Variants in HOXA3 observed in about 807,000 individuals in gnomAD.
The protein encoded by HOXA3 is homeobox A3.
Under a neutral mutation model 30.3 loss-of-function variants are expected in HOXA3, and 8 were observed. The ratio of observed to expected loss-of-function variants is 0.26; its 90% CI spans 0.15 to 0.48. The LOEUF (loss-of-function observed/expected upper bound fraction) is 0.48. HOXA3 is among the 20% of genes least tolerant of loss of function. The pLI, the probability that HOXA3 is intolerant of heterozygous loss-of-function variation, is 0.99. For missense variants in HOXA3, 653 were observed against 614.4 expected (o/e 1.06, Z -0.66); for synonymous variants, 323 against 273.1 (o/e 1.18, Z -1.80).
chr7:27,152,574 A>G lies in HOXA3; in HGVS notation c.-780T>C. ...CGAAGCAGGCAGGACGGAGCGGAGC[A>G]AAAGAATGCGGCTCTATTCTCGCAA... On this transcript the variant is annotated 5_prime_UTR_variant, in exon 1 of 6. Transcript: ENST00000612286. The G allele has an allele frequency of 8.4e-7, 1 of 1,192,116 alleles. No individual in the cohort carries two copies. The highest frequency in any genetic ancestry group is 1.1e-6 in the Non-Finnish European group (1 of 944,196). The allele number at this position is 1,192,116 out of a possible 1,614,324, so 73.8% of individuals were successfully genotyped here. A position where few individuals can be genotyped will look rare whatever the true frequency, so the allele number is the denominator to read the frequency against.
At chr7:27,120,060 T>G (rs1784928248) in intron 4 of HOXA3, among the ~76,000 whole-genome samples, 1 of 152,096 alleles carries the variant, frequency 6.6e-6, no homozygotes, top group Non-Finnish European at 1.5e-5. Flanking sequence ...CCTCTCATTC[T>G]TACTGCTGCC....
chr7:27,147,824 C>T, intron 1 of HOXA3: 2 of 1,351,278 alleles, frequency 1.5e-6, no homozygotes, highest in South Asian at 2.8e-5. Context: ...AGTCATCGAA[C>T]TGGTTTGTTT....
In HOXA3 at chr7:27,108,330, C is replaced by G; in HGVS notation, c.917G>C (p.Gly306Ala). Residue 306 changes from glycine (G) to alanine (A), a missense_variant, in exon 6 of 6, where the codon GGG (glycine) becomes GCG (alanine). Transcript: ENST00000612286. This position sits in a 1 kb window ranked among gnomAD's most constrained non-coding sequence, Gnocchi z 5.0. ...CGCAGGGTAGGAGGCGGGGGGCAGC[C>G]CGTAGGTACCCTGGGGGGGCTTGGA... Reference protein sequence around the residue: ...PFSKPPQGTYGLPPASYPASL... With the variant: ...PFSKPPQGTYALPPASYPASL... 1 of 1,513,238 alleles carries G rather than the reference C, an allele frequency of 6.6e-7. No homozygotes were observed. Among genetic ancestry groups the G allele is most frequent in the Non-Finnish European group, 8.9e-7 (1 of 1,119,260 alleles). The allele number at this position is 1,513,238 out of a possible 1,614,324, so 93.7% of individuals were successfully genotyped here.
rs1422704778 is a variant in HOXA3 at position 27,148,027 on chromosome 7, G to A, written c.-494+4261C>T. Among the ~76,000 whole-genome samples the A allele has an allele frequency of 2.0e-5, 3 of 152,374 alleles. No individual in the cohort carries two copies. The East Asian group carries it at 5.8e-4, about 29-fold the overall frequency. On this transcript the variant is annotated intron_variant, in intron 1 of 5. Transcript: ENST00000612286. ...ATGGGCGCGCACAGCTAGCCGGCCC[G>A]GCTCTCTTCCCGAACGCCAGCGGCG... is the stretch of plus-strand genomic sequence containing the variant.
In HOXA3 at chr7:27,108,849, T is replaced by C. The variant is rs1784195542; in HGVS notation, c.527-129A>G. ...GCATCCGTCAGGTCCCAGAGAGAAG[T>C]AGGAACTAGGTGCTATCCTCTCTCC... On this transcript the variant is annotated intron_variant, in intron 5 of 5. Transcript: ENST00000612286. This position sits in a 1 kb window ranked among gnomAD's most constrained non-coding sequence, Gnocchi z 5.0. The C allele has an allele frequency of 3.1e-6, 2 of 653,436 alleles. 1 individual carries two copies. The highest frequency in any genetic ancestry group is 3.8e-5 in the South Asian group (2 of 52,150). The allele number at this position is 653,436 out of a possible 1,614,324, so 40.5% of individuals were successfully genotyped here.
rs749284884 is a variant in HOXA3 at position 27,129,580 on chromosome 7, C to T, written c.-389-2510G>A. 2.5e-6 allele frequency: 4 copies of T among 1,610,576 alleles called. No homozygotes were observed. The East Asian group carries it at 8.9e-5, about 36-fold the overall frequency. ...GTTATAACTGGGGTTAACTGAAAAC[C>T]CAGAACCCCGAAATAGAAGGCCAAG... is the stretch of plus-strand genomic sequence containing the variant. On this transcript the variant is annotated intron_variant, in intron 2 of 5. Coordinates refer to ENST00000612286, the MANE Select transcript of HOXA3 (RefSeq NM_153631.3).
intron 2 of HOXA3, among the ~76,000 whole-genome samples, chr7:27,132,329 A>C (rs1315560749): frequency 6.6e-6 from 1 of 152,246 alleles, no homozygotes; most frequent in Admixed American, 6.5e-5. Context: ...AGACACTTGA[A>C]AAGGAATGTC....
chr7:27,142,898 A>C (rs977467647), intron 1 of HOXA3: 8 of 700,382 alleles, frequency 1.1e-5, no homozygotes, highest in Non-Finnish European at 1.9e-5. Flanking sequence ...GGAAGGAGGA[A>C]GGCAGGGGAG....
intron 1 of HOXA3, chr7:27,145,756 A>C (rs1562730987): frequency 6.2e-7 from 1 of 1,614,250 alleles, no homozygotes. Context: ...TTCTGGAACC[A>C]GATCTTGATC....
intron 4 of HOXA3, among the ~76,000 whole-genome samples, chr7:27,119,147 A>G: frequency 9.3e-6 from 1 of 107,194 alleles, no homozygotes; most frequent in Admixed American, 9.9e-5. Context: ...TCTGCAAGAG[A>G]CCCCCCCCCC....
At chr7:27,151,120 T>G (rs909447472) in intron 1 of HOXA3, 2 of 155,338 alleles carry the variant, frequency 1.3e-5, no homozygotes, top group Non-Finnish European at 2.9e-5. Flanking sequence ...GTCCTAAACA[T>G]CCACAGCCCC....
chr7:27,150,588 C>G (rs1242257476), intron 1 of HOXA3: 1 of 152,584 alleles, frequency 6.6e-6, no homozygotes, highest in East Asian at 1.9e-4. Flanking sequence ...GCCAGGCCTA[C>G]AGGCCTCAGG....
intron 1 of HOXA3, among the ~76,000 whole-genome samples, chr7:27,144,649 G>A (rs1269933585): frequency 6.6e-6 from 1 of 152,210 alleles, no homozygotes; most frequent in Non-Finnish European, 1.5e-5. Flanking sequence ...GGGATCCGTG[G>A]GGCGGGTTAC....
intron 2 of HOXA3, among the ~76,000 whole-genome samples, chr7:27,138,120 C>A (rs1275609741): frequency 6.6e-6 from 1 of 152,166 alleles, no homozygotes; most frequent in African/African-American, 2.4e-5. Flanking sequence ...TAAAAGAGAA[C>A]CCATACCCAT....
intron 2 of HOXA3, among the ~76,000 whole-genome samples, chr7:27,131,788 T>C (rs1263420244): frequency 6.6e-6 from 1 of 152,110 alleles, no homozygotes; most frequent in African/African-American, 2.4e-5. Context: ...TGATCGCTGA[T>C]GGGTCTTTTC....
Position 27,113,106 on chromosome 7 carries a change from CTT to C in HOXA3, c.-120-2348_-120-2347del, listed in dbSNP as rs1220568821. ...AGTTGGAGATTTGCCAGCCAGGAAA[CTT>C]TGCTCTGTACCGCCAAGCAAGGGCT... On this transcript the variant is annotated intron_variant, in intron 4 of 5. Transcript: ENST00000612286. This position sits in a 1 kb window ranked among gnomAD's most constrained non-coding sequence, Gnocchi z 4.8. Among the ~76,000 whole-genome samples the C allele has an allele frequency of 6.6e-6, 1 of 152,066 alleles. No individual in the cohort carries two copies. The highest frequency in any genetic ancestry group is 1.5e-5 in the Non-Finnish European group (1 of 68,014).
rs1405418024 is a variant in HOXA3, at chr7:27,113,637, C to G, written c.-120-2877G>C. ...CGGCCCTGCTTACCTTAACTTCTGA[C>G]GAGCGCAGGCTCGGGCTCAGGCTCC... On this transcript the variant is annotated intron_variant, in intron 4 of 5. Transcript: ENST00000612286. The surrounding 1 kb of genome is among the most constrained non-coding windows in gnomAD (Gnocchi z 4.8). 6.6e-6 allele frequency: 1 copy of G among 152,268 alleles called. No homozygotes were observed. The highest frequency in any genetic ancestry group is 1.5e-5 in the Non-Finnish European group (1 of 68,080). The allele number at this position is 152,268 out of a possible 1,614,324, so 9.4% of individuals were successfully genotyped here.
chr7:27,130,469 G>A (rs762404049), intron 2 of HOXA3: 102 of 1,254,382 alleles, frequency 8.1e-5, no homozygotes, highest in Non-Finnish European at 9.9e-5. Flanking sequence ...GCGGGGTACA[G>A]CGCGGCAGCA....
chr7:27,141,137 A>AAAAAAAAT (rs1782555934), intron 1 of HOXA3: 1 of 124,630 alleles, frequency 8.0e-6, no homozygotes, highest in African/African-American at 2.8e-5. Context: ...AAAAAAAAAA[A>AAAAAAAAT]GCTGATCACA....
Sources: gnomAD v4.1 joint callset for allele counts (sites outside exome capture counted in the v4.1 genomes callset) on GRCh38, gnomAD v4.1.1 for gene constraint, Gnocchi (gnomAD v3.1) non-coding constraint, MANE v1.5 for transcripts, NCBI Gene and HGNC (gene_info 2026-07-23, HGNC 2026-07-21) for gene names.